ERLIN1: variants seen among roughly 807,000 people sequenced by gnomAD.
ERLIN1 encodes the protein erlin-1.
ERLIN1 carries 24 observed loss-of-function variants against 46.9 expected under a neutral mutation model. The observed-to-expected ratio is 0.51, with a 90% CI of 0.37 to 0.72. The LOEUF is 0.72. ERLIN1 is among the 30% of genes least tolerant of loss of function. The pLI is 0.00. For missense variants in ERLIN1, 293 were observed against 417.9 expected (o/e 0.70, Z 2.61); for synonymous variants, 158 against 143.2 (o/e 1.10, Z -0.74).
At chr10:100,174,806 G>T (rs1564812882) in intron 5 of ERLIN1, among the ~76,000 whole-genome samples, 1 of 152,196 alleles carries the variant, frequency 6.6e-6, no homozygotes, top group Non-Finnish European at 1.5e-5. Context: ...GAGAGAGAGA[G>T]AGACAGAGAG....
At chr10:100,156,750 C>T (rs897807153) in intron 8 of ERLIN1, among the ~76,000 whole-genome samples, 1 of 152,174 alleles carries the variant, frequency 6.6e-6, no homozygotes, top group African/African-American at 2.4e-5. Flanking sequence ...TGGTGATTCA[C>T]GCCTGTAACC....
rs763898086 is a variant in ERLIN1, at chr10:100,156,255, A to C, written c.656-21T>G. The C allele has an allele frequency of 6.5e-6, 10 of 1,545,578 alleles. No homozygotes were observed. In the Admixed American group the frequency reaches 1.7e-4, roughly 26 times the overall value. The stretch of plus-strand genomic sequence containing the variant: ...TGCTTCTATAATCATACAACATAAG[A>C]AGACACATTCAAAACCATTTCTACA... On this transcript the variant is annotated intron_variant, in intron 8 of 10. Transcript: ENST00000421367.
intron 8 of ERLIN1, among the ~76,000 whole-genome samples, chr10:100,158,073 A>G (rs1843167780): frequency 6.6e-6 from 1 of 152,210 alleles, no homozygotes; most frequent in African/African-American, 2.4e-5. Context: ...GGTGGTTATT[A>G]GACAAGAAGG....
At chr10:100,185,099 C>A (rs1331635477) in intron 1 of ERLIN1, among the ~76,000 whole-genome samples, 1 of 151,478 alleles carries the variant, frequency 6.6e-6, no homozygotes, top group Non-Finnish European at 1.5e-5. Flanking sequence ...CAAGACGTAA[C>A]CAGACACTGG....
chr10:100,166,632 T>A (rs924200501), intron 7 of ERLIN1, among the ~76,000 whole-genome samples: 6 of 152,358 alleles, frequency 3.9e-5, no homozygotes, highest in South Asian at 4.1e-4. Flanking sequence ...CCTTGACTTG[T>A]GCAAATTTAT....
chr10:100,166,574 G>C (rs532300469), intron 7 of ERLIN1, among the ~76,000 whole-genome samples: 24 of 152,288 alleles, frequency 1.6e-4, no homozygotes, highest in African/African-American at 5.8e-4. Flanking sequence ...ACCTCATAAA[G>C]TAGTATTACT....
intron 6 of ERLIN1, among the ~76,000 whole-genome samples, chr10:100,170,728 T>G (rs1843942358): frequency 1.3e-5 from 2 of 152,168 alleles, no homozygotes; most frequent in African/African-American, 4.8e-5. Context: ...CAAAGATGCC[T>G]CCTACACTTC....
In ERLIN1 at chr10:100,150,591, G is replaced by T. The variant is rs1434545752; in HGVS notation, c.*1540C>A. On this transcript the variant is annotated 3_prime_UTR_variant, in exon 11 of 11. Transcript: ENST00000421367. ...ATTACAAATGCCTCTATAGGATAAGGCCCAGGGGAAAGACCCATTCAAATC... is the reference window on the plus strand; with the variant it reads ...ATTACAAATGCCTCTATAGGATAAGTCCCAGGGGAAAGACCCATTCAAATC... 2 of 152,482 alleles carry T rather than the reference G, an allele frequency of 1.3e-5. No individual in the cohort carries two copies. Among genetic ancestry groups the T allele is most frequent in the African/African-American group, 4.8e-5 (2 of 41,392 alleles). 9.4% of individuals were successfully genotyped at this position (152,482 alleles called of 1,614,324 possible).
intron 8 of ERLIN1, among the ~76,000 whole-genome samples, chr10:100,159,759 A>G (rs1176497284): frequency 6.6e-6 from 1 of 152,094 alleles, no homozygotes; most frequent in Admixed American, 6.5e-5. Flanking sequence ...CCTGTGAAAC[A>G]TAGCTAAAGC....
rs754066270 is a variant in ERLIN1 at position 100,151,995 on chromosome 10, C to T, written c.*136G>A. The T allele has an allele frequency of 5.5e-5, 39 of 713,970 alleles. No individual in the cohort carries two copies. Among genetic ancestry groups the T allele is most frequent in the Non-Finnish European group, 8.7e-5 (34 of 392,230 alleles). The allele number at this position is 713,970 out of a possible 1,614,324, so 44.2% of individuals were successfully genotyped here. The stretch of plus-strand genomic sequence containing the variant: ...TGGCTCTATCCTCCAATCAGTGGAG[C>T]ACCCAGGACTATCGCAGGAGAGGTG... On this transcript the variant is annotated 3_prime_UTR_variant, in exon 11 of 11. Coordinates refer to ENST00000421367, the MANE Select transcript of ERLIN1 (RefSeq NM_006459.4).
chr10:100,161,929 G>A (rs61596914), intron 8 of ERLIN1, among the ~76,000 whole-genome samples: 22 of 152,096 alleles, frequency 1.4e-4, no homozygotes, highest in African/African-American at 3.4e-4. Context: ...ATTCTAGATG[G>A]GCTAAAGACT....
chr10:100,174,221 C>T lies in ERLIN1; in HGVS notation c.491G>A (p.Gly164Asp). 1 of 1,562,834 alleles carries T rather than the reference C, an allele frequency of 6.4e-7. No homozygotes were observed. The highest frequency in any genetic ancestry group is 2.3e-5 in the East Asian group (1 of 42,818). The change falls in exon 6 of 11, where the codon GGT becomes GAT. Residue 164 changes from glycine (G) to aspartate (D), a missense_variant. Transcript: ENST00000421367. ...LQKDLNLMAPGLTIQAVRVTK... is the reference protein window; with the variant it reads ...LQKDLNLMAPDLTIQAVRVTK... Reference sequence around the variant, plus strand: ...AAAAGAACTTACCTGTATAGTGAGACCTGGGGCCATGAGGTTTAAGTCTTT... The same window carrying T: ...AAAAGAACTTACCTGTATAGTGAGATCTGGGGCCATGAGGTTTAAGTCTTT...
chr10:100,168,408 TGGA>T (rs1427359599), intron 6 of ERLIN1, among the ~76,000 whole-genome samples: 3 of 152,116 alleles, frequency 2.0e-5, no homozygotes, highest in South Asian at 4.1e-4. Flanking sequence ...TACAGTGGAA[TGGA>T]ATAAGCAGCT....
chr10:100,182,494 G>A (rs1263663698), intron 2 of ERLIN1, among the ~76,000 whole-genome samples: 7 of 152,086 alleles, frequency 4.6e-5, no homozygotes, highest in South Asian at 2.1e-4. Context: ...ACCAACTGGC[G>A]GTAACGCTGG....
In ERLIN1 at chr10:100,167,435, T is replaced by C. The variant is rs371611939; in HGVS notation, c.505-29A>G. On this transcript the variant is annotated intron_variant, in intron 6 of 10. Coordinates refer to ENST00000421367, the MANE Select transcript of ERLIN1 (RefSeq NM_006459.4). Reference sequence around the variant, plus strand: ...AAAAATAAAAGTGAAAAAGCCAAAGTATATTTGAAAGATAAATCTTCAAAT... The same window carrying C: ...AAAAATAAAAGTGAAAAAGCCAAAGCATATTTGAAAGATAAATCTTCAAAT... 6 of 1,574,710 alleles carry C rather than the reference T, an allele frequency of 3.8e-6. No individual in the cohort carries two copies. The African/African-American group carries it at 8.2e-5, about 21-fold the overall frequency.
At chr10:100,181,665 C>T (rs1050679690) in intron 2 of ERLIN1, among the ~76,000 whole-genome samples, 3 of 152,240 alleles carry the variant, frequency 2.0e-5, no homozygotes, top group East Asian at 1.9e-4. Flanking sequence ...CAGGCACGCA[C>T]AACCACGCCC....
At chr10:100,163,071 C>T (rs1843445724) in intron 8 of ERLIN1, among the ~76,000 whole-genome samples, 1 of 152,094 alleles carries the variant, frequency 6.6e-6, no homozygotes, top group Non-Finnish European at 1.5e-5. Flanking sequence ...TCTACCATCT[C>T]ACAGAGAATA....
chr10:100,170,147 AGAT>A (rs1843906512), intron 6 of ERLIN1, among the ~76,000 whole-genome samples: 1 of 152,250 alleles, frequency 6.6e-6, no homozygotes, highest in East Asian at 1.9e-4. Flanking sequence ...ATTTTTTAAA[AGAT>A]GATGTCTCTT....
intron 9 of ERLIN1, among the ~76,000 whole-genome samples, chr10:100,155,607 C>T (rs1459065151): frequency 6.6e-6 from 1 of 152,026 alleles, no homozygotes; most frequent in African/African-American, 2.4e-5. Context: ...CTCCGCCTCC[C>T]AGGTTCACGC....
Sources: gnomAD v4.1 joint callset for allele counts (sites outside exome capture counted in the v4.1 genomes callset) on GRCh38, gnomAD v4.1.1 for gene constraint, MANE v1.5 for transcripts, NCBI Gene and HGNC (gene_info 2026-07-23, HGNC 2026-07-21) for gene names.